PPP1R9A: variants seen among roughly 807,000 people sequenced by gnomAD.
PPP1R9A encodes the protein protein phosphatase 1 regulatory subunit 9A.
PPP1R9A carries 59 observed loss-of-function variants against 141.9 expected under a neutral mutation model. That is an observed-to-expected ratio of 0.42 (90% confidence interval 0.34 to 0.52). The LOEUF (loss-of-function observed/expected upper bound fraction) is 0.52. Ranked by LOEUF, PPP1R9A falls within the 20% of genes least tolerant of loss-of-function variation. The pLI is 0.10. For missense variants in PPP1R9A, 1,444 were observed against 1,611.9 expected, an observed-to-expected ratio of 0.90 and a Z score of 1.78; for synonymous variants, 500 against 569.7, an observed-to-expected ratio of 0.88 and a Z score of 1.74.
chr7:95,120,820 A>G lies in PPP1R9A; in HGVS notation c.1637A>G (p.Gln546Arg), dbSNP rs373572209. 3 of 1,613,166 alleles carry G rather than the reference A, an allele frequency of 1.9e-6. No homozygotes were observed. In the African/African-American group the frequency reaches 4.0e-5, roughly 22 times the overall value. Reference sequence around the variant, plus strand: ...ACAGTAACAGAAGGTGGTGCTGCTCAACGGGATGGCAGGTAAATTAAGGAC... The same window carrying G: ...ACAGTAACAGAAGGTGGTGCTGCTCGACGGGATGGCAGGTAAATTAAGGAC... Reference protein sequence around the residue: ...VKTVTEGGAAQRDGRIQVNDQ... With the variant: ...VKTVTEGGAARRDGRIQVNDQ... Residue 546 changes from glutamine (Q) to arginine (R), a missense_variant, in exon 4 of 20, where the codon CAA becomes CGA. Transcript: ENST00000433360.
intron 8 of PPP1R9A, among the ~76,000 whole-genome samples, chr7:95,228,830 C>T (rs1585357016): frequency 6.6e-6 from 1 of 152,146 alleles, no homozygotes; most frequent in East Asian, 1.9e-4. Context: ...TTTTTCTCAT[C>T]CTCCCTAAAA....
chr7:95,183,378 G>T (rs1465282216), intron 5 of PPP1R9A, among the ~76,000 whole-genome samples: 6 of 150,590 alleles, frequency 4.0e-5, no homozygotes, highest in Admixed American at 2.0e-4. Flanking sequence ...GGCCTCAGGT[G>T]ATCTGCCCAC....
intron 2 of PPP1R9A, among the ~76,000 whole-genome samples, chr7:95,008,373 C>T (rs1373183657): frequency 1.3e-5 from 2 of 152,070 alleles, no homozygotes; most frequent in East Asian, 3.9e-4. Context: ...TAGAGAGACT[C>T]CTTATAGATT....
chr7:95,022,733 T>C (rs528544885), intron 2 of PPP1R9A, among the ~76,000 whole-genome samples: 39 of 152,200 alleles, frequency 2.6e-4, no homozygotes, highest in Non-Finnish European at 5.0e-4. Context: ...TCTATTGAGG[T>C]AATCATGTGG....
chr7:95,160,793 T>G (rs1215594334), intron 4 of PPP1R9A, among the ~76,000 whole-genome samples: 1 of 152,226 alleles, frequency 6.6e-6, no homozygotes, highest in African/African-American at 2.4e-5. Context: ...TTTCTGTTCC[T>G]GTGTTAGTTT....
intron 2 of PPP1R9A, among the ~76,000 whole-genome samples, chr7:95,026,000 T>G (rs568205459): frequency 6.6e-6 from 1 of 152,318 alleles, no homozygotes; most frequent in South Asian, 2.1e-4. Context: ...GGTTCTTAGC[T>G]TCCTTGCATT....
At chr7:95,041,217 A>G (rs1158688707) in intron 2 of PPP1R9A, among the ~76,000 whole-genome samples, 2 of 152,158 alleles carry the variant, frequency 1.3e-5, no homozygotes, top group African/African-American at 4.8e-5. Context: ...AGGTTATGAC[A>G]TACATTAGTA....
rs188484468 is a variant in PPP1R9A at position 95,271,528 on chromosome 7, C to T, written c.3124+2021C>T. 1.7e-3 allele frequency among the ~76,000 whole-genome samples: 255 copies of T among 152,276 alleles called. 1 individual carries two copies. The highest frequency in any genetic ancestry group is 2.2e-3 in the Non-Finnish European group (148 of 68,030). ...AACATGATGGGGGAAATAGGATTAACTCATTTTTTTAACAGAGGAGGTCAT... is the reference window on the plus strand; with the variant it reads ...AACATGATGGGGGAAATAGGATTAATTCATTTTTTTAACAGAGGAGGTCAT... On this transcript the variant is annotated intron_variant, in intron 14 of 19. Transcript: ENST00000433360.
At position 95,014,326 on chromosome 7, in the gene PPP1R9A, T is replaced by C. The variant is rs71562879; in HGVS notation, c.1396-96933T>C. 3.4e-3 allele frequency among the ~76,000 whole-genome samples: 525 copies of C among 152,174 alleles called. 1 individual carries two copies. Among genetic ancestry groups the C allele is most frequent in the Middle Eastern group, 0.014 (4 of 294 alleles). On this transcript the variant is annotated intron_variant, in intron 2 of 19. Transcript: ENST00000433360. ...ATTTTTTCTTCGTCTTTTATGATAC[T>C]GACATATTTTGAAATGTGTAGGCCA...
intron 4 of PPP1R9A, among the ~76,000 whole-genome samples, chr7:95,122,002 A>G (rs1379272861): frequency 6.6e-6 from 1 of 152,188 alleles, no homozygotes; most frequent in Non-Finnish European, 1.5e-5. Flanking sequence ...CTAAATTCAA[A>G]GAATTATTAT....
At chr7:95,267,063 G>GTCAAAACC (rs1801412737) in intron 12 of PPP1R9A, among the ~76,000 whole-genome samples, 1 of 152,086 alleles carries the variant, frequency 6.6e-6, no homozygotes, top group Non-Finnish European at 1.5e-5. Flanking sequence ...GAAATGAAAA[G>GTCAAAACC]TCAAAACCTT....
chr7:95,209,605 G>T (rs1791644710), intron 7 of PPP1R9A, among the ~76,000 whole-genome samples: 1 of 152,212 alleles, frequency 6.6e-6, no homozygotes, highest in Non-Finnish European at 1.5e-5. Context: ...GAAGGAGATT[G>T]TAAGATTGAG....
At chr7:94,974,647 T>TAA (rs919247687) in intron 2 of PPP1R9A, among the ~76,000 whole-genome samples, 4 of 152,276 alleles carry the variant, frequency 2.6e-5, no homozygotes, top group Non-Finnish European at 2.9e-5. Context: ...GTTTCTCTTC[T>TAA]AAAAAAACAT....
chr7:94,919,876 T>G (rs1027743217), intron 2 of PPP1R9A, among the ~76,000 whole-genome samples: 1 of 152,200 alleles, frequency 6.6e-6, no homozygotes, highest in Non-Finnish European at 1.5e-5. Context: ...TGGACAAGTG[T>G]GCCTCTTGAA....
At chr7:95,175,486 A>G (rs1832766595) in intron 5 of PPP1R9A, among the ~76,000 whole-genome samples, 2 of 150,842 alleles carry the variant, frequency 1.3e-5, no homozygotes, top group African/African-American at 5.0e-5. Context: ...AATATTCTAT[A>G]ACCCTTTGCC....
chr7:95,259,887 AT>A (rs1379780101), intron 12 of PPP1R9A, among the ~76,000 whole-genome samples: 1 of 152,180 alleles, frequency 6.6e-6, no homozygotes, highest in Non-Finnish European at 1.5e-5. Context: ...TCTAGAGTAG[AT>A]TCAGCCTTTT....
At chr7:95,102,192 CATA>C (rs1163912676) in intron 2 of PPP1R9A, among the ~76,000 whole-genome samples, 3 of 152,090 alleles carry the variant, frequency 2.0e-5, no homozygotes, top group African/African-American at 4.8e-5. Context: ...ATCTAAAAAA[CATA>C]ATAATATCTT....
intron 12 of PPP1R9A, among the ~76,000 whole-genome samples, chr7:95,253,123 G>A (rs1172887701): frequency 1.3e-5 from 2 of 152,120 alleles, no homozygotes; most frequent in Non-Finnish European, 2.9e-5. Flanking sequence ...TAATTATAAA[G>A]ATAAATACAC....
At chr7:95,236,652 A>G (rs1796714220) in intron 8 of PPP1R9A, among the ~76,000 whole-genome samples, 1 of 148,124 alleles carries the variant, frequency 6.8e-6, no homozygotes, top group South Asian at 2.1e-4. Flanking sequence ...TTTATCTGTC[A>G]TTCTAGCTTT....
Sources: gnomAD v4.1 joint callset for allele counts (sites outside exome capture counted in the v4.1 genomes callset) on GRCh38, gnomAD v4.1.1 for gene constraint, MANE v1.5 for transcripts, NCBI Gene and HGNC (gene_info 2026-07-23, HGNC 2026-07-21) for gene names.